SUPT6H: variants seen among roughly 807,000 people sequenced by gnomAD.
SUPT6H encodes SPT6 homolog, histone chaperone and transcription elongation factor.
Under a neutral mutation model 222.3 loss-of-function variants are expected in SUPT6H, and 11 were observed. The observed-to-expected ratio is 0.05, with a 90% CI of 0.03 to 0.08. The LOEUF (loss-of-function observed/expected upper bound fraction) is 0.08. Among genes scored for constraint, SUPT6H ranks in the 10% least tolerant of loss-of-function variants. The probability of loss-of-function intolerance (pLI) is 1.00; values close to 1 mark genes in which losing one functional copy is unlikely to be tolerated. For missense variants in SUPT6H, 1,422 were observed against 2,216.0 expected, an observed-to-expected ratio of 0.64 and a Z score of 7.19; for synonymous variants, 762 against 801.2, an observed-to-expected ratio of 0.95 and a Z score of 0.83.
At chr17:28,689,061 C>T in intron 24 of SUPT6H, 1 of 326,428 alleles carries the variant, frequency 3.1e-6, no homozygotes, top group Non-Finnish European at 5.7e-6. Context: ...ATGTATACTA[C>T]AGTTTTTCTA....
chr17:28,689,943 T>C, intron 25 of SUPT6H, 139 bp from the exon 26 acceptor site: 1 of 1,166,538 alleles, frequency 8.6e-7, no homozygotes, highest in Admixed American at 2.3e-5. Flanking sequence ...CCACCTTTAG[T>C]AAATGTTGAT....
At chr17:28,664,115 A>C (rs374957772) in intron 1 of SUPT6H, among the ~76,000 whole-genome samples, 1 of 151,790 alleles carries the variant, frequency 6.6e-6, no homozygotes, top group Non-Finnish European at 1.5e-5. Flanking sequence ...CCAAACTTTC[A>C]TCTTGGCTTT....
intron 30 of SUPT6H, 91 bp downstream of exon 30, chr17:28,697,173 G>T: frequency 9.2e-7 from 1 of 1,090,912 alleles, no homozygotes; most frequent in Non-Finnish European, 1.4e-6. Flanking sequence ...AGTAACTCGG[G>T]TCATAGGTAT....
At chr17:28,681,179 A>G (rs188783074) in intron 11 of SUPT6H, 77 bp from the exon 12 acceptor site, 3 of 1,547,242 alleles carry the variant, frequency 1.9e-6, no homozygotes, top group South Asian at 1.2e-5. Flanking sequence ...CCTTTTGGGA[A>G]TTGGACCTCT....
intron 13 of SUPT6H, 29 bp from the exon 14 acceptor site, chr17:28,682,698 C>T: frequency 6.2e-7 from 1 of 1,612,016 alleles, no homozygotes; most frequent in South Asian, 1.1e-5. Flanking sequence ...TATCTGCTGC[C>T]TTACCCTTCA....
At chr17:28,667,467 ATG>A (rs2030136124) in intron 1 of SUPT6H, among the ~76,000 whole-genome samples, 1 of 135,382 alleles carries the variant, frequency 7.4e-6, no homozygotes, top group Admixed American at 7.8e-5. Context: ...ATGTATGTAT[ATG>A]TGTATATATG....
Position 28,684,937 on chromosome 17 carries a change from G to T in SUPT6H, c.2463G>T (p.Trp821Cys). The T allele has an allele frequency of 6.2e-7, 1 of 1,614,126 alleles. No individual in the cohort carries two copies. The highest frequency in any genetic ancestry group is 1.1e-5 in the South Asian group (1 of 91,032). ...LPHFTKRRTAWREEEREKKAQ... is the reference protein window; with the variant it reads ...LPHFTKRRTACREEEREKKAQ... The stretch of plus-strand genomic sequence containing the variant: ...ATTTTACCAAACGGCGAACTGCATG[G>T]AGAGAGGAAGAGCGGGAAAAGAAGG... Residue 821 changes from tryptophan to cysteine, a missense_variant, in exon 19 of 37, where the codon TGG (tryptophan) becomes TGT (cysteine). By Grantham distance (215) the Trp-to-Cys change is radical (BLOSUM62 -2). Transcript: ENST00000314616.
intron 1 of SUPT6H, among the ~76,000 whole-genome samples, chr17:28,668,810 G>A (rs906643205): frequency 6.6e-6 from 1 of 152,320 alleles, no homozygotes. Context: ...TCAGTTCAGG[G>A]CTGAGGGGGA....
Position 28,683,261 on chromosome 17 carries a change from T to G in SUPT6H, c.1879-7T>G. 6.2e-7 allele frequency: 1 copy of G among 1,613,550 alleles called. No individual in the cohort carries two copies. Among genetic ancestry groups the G allele is most frequent in the South Asian group, 1.1e-5 (1 of 91,032 alleles). ...GCAGGCTCATGATTCCCCCTTCATG[T>G]GTGCAGGATGTGGATGAGGCCCACT... On this transcript the variant is annotated splice_region_variant and splice_polypyrimidine_tract_variant and intron_variant, in intron 15 of 36. Coordinates refer to ENST00000314616, the MANE Select transcript of SUPT6H (RefSeq NM_003170.5).
rs745913972 is a variant in SUPT6H, at chr17:28,681,945, G to A, written c.1562G>A (p.Arg521Gln). Residue 521 changes from arginine (R) to glutamine (Q), a missense_variant, in exon 13 of 37, where the codon CGA becomes CAA. Arg to Gln is a conservative substitution (Grantham distance 43, BLOSUM62 1). This residue lies in a region of SUPT6H where 389 missense variants were observed against 544.6 expected (regional missense o/e 0.71). Transcript: ENST00000314616. ...CCTGAGCTCAAGCAAGCCTCTCGCC[G>A]AGACATGTACACCATCTGCCAGAGT... ...RGPELKQASR[R>Q]DMYTICQSAG... 38 of 1,608,664 alleles carry A rather than the reference G, an allele frequency of 2.4e-5. No individual in the cohort carries two copies. The highest frequency in any genetic ancestry group is 3.1e-5 in the Non-Finnish European group (36 of 1,178,478).
intron 19 of SUPT6H, 92 bp from the exon 20 acceptor site, chr17:28,686,247 A>G: frequency 1.7e-6 from 2 of 1,156,120 alleles, no homozygotes; most frequent in Non-Finnish European, 2.5e-6. Flanking sequence ...GAAGACTTCC[A>G]GTTCTTACAA....
At chr17:28,692,425 G>C (rs1490475958) in intron 27 of SUPT6H, among the ~76,000 whole-genome samples, 3 of 147,334 alleles carry the variant, frequency 2.0e-5, no homozygotes, top group East Asian at 2.0e-4. Flanking sequence ...CTGAGGTCAG[G>C]AGTTCCAGAC....
chr17:28,692,531 AGGG>A (rs2031714294), intron 27 of SUPT6H, among the ~76,000 whole-genome samples: 1 of 146,756 alleles, frequency 6.8e-6, no homozygotes, highest in Non-Finnish European at 1.5e-5. Context: ...AAAACACAAA[AGGG>A]AGGGGCCTCA....
In SUPT6H at chr17:28,697,006, A is replaced by G. The variant is rs779445902; in HGVS notation, c.4133A>G (p.Tyr1378Cys). The G allele has an allele frequency of 2.4e-5, 38 of 1,613,998 alleles. No individual in the cohort carries two copies. The highest frequency in any genetic ancestry group is 1.6e-4 in the Middle Eastern group (1 of 6,084). ...TVTWKVSDGI[Y>C]QHVDVREEGK... ...ACCTGGAAAGTCAGTGATGGCATCT[A>G]CCAGCATGTGGATGTGCGGGAGGAG... Residue 1378 changes from tyrosine (Y) to cysteine (C), a missense_variant, in exon 30 of 37, where the codon TAC (tyrosine) becomes TGC (cysteine). By Grantham distance (194) the Tyr-to-Cys change is radical. Transcript: ENST00000314616.
chr17:28,662,235 G>T lies in SUPT6H; in HGVS notation c.-139G>T, dbSNP rs568674264. 62 of 211,628 alleles carry T rather than the reference G, an allele frequency of 2.9e-4. No individual in the cohort carries two copies. The highest frequency in any genetic ancestry group is 1.4e-3 in the African/African-American group (60 of 43,638). The allele number at this position is 211,628 out of a possible 1,614,324, so 13.1% of individuals were successfully genotyped here. A position where few individuals can be genotyped will look rare whatever the true frequency, so the allele number is the denominator to read the frequency against. ...CGCAGCAGCGGCGGCGGTGGCGGCG[G>T]AGGGGCCGTGCGGTGGGTCCGTACT... is the stretch of plus-strand genomic sequence containing the variant. On this transcript the variant is annotated 5_prime_UTR_variant, in exon 1 of 37. Coordinates refer to ENST00000314616, the MANE Select transcript of SUPT6H (RefSeq NM_003170.5).
Position 28,687,386 on chromosome 17 carries a change from A to G in SUPT6H, c.2921A>G (p.Asn974Ser), listed in dbSNP as rs767537171. ...GTCAATGAGGTCGGGGTCGATGTCA[A>G]CCGTGCCATTGCCCACCCTTACAGC... ...NRVNEVGVDVNRAIAHPYSQA... is the reference protein window; with the variant it reads ...NRVNEVGVDVSRAIAHPYSQA... The change falls in exon 23 of 37, where the codon AAC (asparagine) becomes AGC (serine). Residue 974 changes from asparagine (N) to serine (S), a missense_variant. Asn to Ser is a conservative substitution (Grantham distance 46). Transcript: ENST00000314616. 3.7e-6 allele frequency: 6 copies of G among 1,614,054 alleles called. No homozygotes were observed. The highest frequency in any genetic ancestry group is 2.7e-5 in the African/African-American group (2 of 74,902).
chr17:28,683,927 C>G (rs1287032472), intron 17 of SUPT6H, 111 bp downstream of exon 17: 6 of 1,007,520 alleles, frequency 6.0e-6, no homozygotes, highest in Non-Finnish European at 6.9e-6. Flanking sequence ...GCTCTGCCTC[C>G]TAGGTTGATG....
chr17:28,663,702 C>G (rs1254274627), intron 1 of SUPT6H, among the ~76,000 whole-genome samples: 1 of 151,992 alleles, frequency 6.6e-6, no homozygotes, highest in African/African-American at 2.4e-5. Context: ...CCTTCACATC[C>G]CTCTCCAATT....
rs766802638 is a variant in SUPT6H at position 28,677,782 on chromosome 17, G to A, written c.965G>A (p.Arg322Lys). ...ELEEEADWIY[R>K]NAFATPTISL... ...GAAGAAGAAGCTGACTGGATCTACA[G>A]GAATGCTTTTGCCACACCAACCATT... Residue 322 changes from arginine to lysine, a missense_variant, in exon 8 of 37, where the codon AGG becomes AAG. Physicochemically the swap from Arg to Lys is conservative, Grantham distance 26. Coordinates refer to ENST00000314616, the MANE Select transcript of SUPT6H (RefSeq NM_003170.5). 1.9e-6 allele frequency: 3 copies of A among 1,614,222 alleles called. No individual in the cohort carries two copies. Among genetic ancestry groups the A allele is most frequent in the African/African-American group, 1.3e-5 (1 of 75,048 alleles).
Sources: allele counts gnomAD v4.1 joint callset (sites outside exome capture counted in the v4.1 genomes callset), GRCh38; gene constraint gnomAD v4.1.1; regional missense constraint gnomAD v4.1.1; transcripts MANE v1.5; gene names NCBI Gene and HGNC (gene_info 2026-07-23, HGNC 2026-07-21).